Variants in SRBD1 observed in about 807,000 individuals in gnomAD.
The protein encoded by SRBD1 is S1 RNA-binding domain-containing protein 1.
In SRBD1, 88 loss-of-function variants were observed where a neutral mutation model predicts 115.3. The observed-to-expected ratio is 0.76, with a 90% CI of 0.64 to 0.91. The LOEUF (loss-of-function observed/expected upper bound fraction) is 0.91, where lower values mean the gene tolerates loss of function less well. Ranked by LOEUF, SRBD1 falls within the 40% of genes least tolerant of loss-of-function variation. The probability of loss-of-function intolerance (pLI) is 0.00; values close to 1 mark genes in which losing one functional copy is unlikely to be tolerated. For synonymous variants in SRBD1, 509 were observed against 407.7 expected, an observed-to-expected ratio of 1.25 and a Z score of -2.99; for missense variants, 1,385 against 1,177.4, an observed-to-expected ratio of 1.18 and a Z score of -2.58.
At chr2:45,390,443 T>C (rs114841957) in intron 20 of SRBD1, among the ~76,000 whole-genome samples, 215 of 152,356 alleles carry the variant, frequency 1.4e-3, no homozygotes, top group African/African-American at 5.2e-3. Flanking sequence ...ATTATGGTTC[T>C]AGTTAAAAAC....
chr2:45,426,737 C>T (rs1668166339), intron 16 of SRBD1, among the ~76,000 whole-genome samples: 1 of 152,140 alleles, frequency 6.6e-6, no homozygotes, highest in South Asian at 2.1e-4. Context: ...CCAGCAAACT[C>T]CAGAAGACCT....
chr2:45,581,082 G>T (rs915657583), intron 6 of SRBD1, among the ~76,000 whole-genome samples: 1 of 152,034 alleles, frequency 6.6e-6, no homozygotes, highest in Non-Finnish European at 1.5e-5. Flanking sequence ...AATCCATGAT[G>T]ATCTCCTAAT....
intron 14 of SRBD1, among the ~76,000 whole-genome samples, chr2:45,530,995 T>G (rs1488995793): frequency 6.7e-6 from 1 of 148,362 alleles, no homozygotes; most frequent in Non-Finnish European, 1.5e-5. Context: ...ACTTTCTTCA[T>G]CACAGAATCA....
chr2:45,453,812 C>T (rs1669069511), intron 16 of SRBD1, among the ~76,000 whole-genome samples: 1 of 151,840 alleles, frequency 6.6e-6, no homozygotes, highest in South Asian at 2.1e-4. Context: ...TCTGGGTTAA[C>T]ATACAAATAT....
intron 14 of SRBD1, among the ~76,000 whole-genome samples, chr2:45,543,987 T>C (rs967211808): frequency 3.9e-5 from 6 of 151,966 alleles, no homozygotes; most frequent in Non-Finnish European, 7.4e-5. Flanking sequence ...TGAAAGAAAA[T>C]GCCTAATAGA....
At chr2:45,604,406 G>A (rs1041390476) in intron 2 of SRBD1, among the ~76,000 whole-genome samples, 2 of 151,248 alleles carry the variant, frequency 1.3e-5, no homozygotes, top group Admixed American at 6.6e-5. Flanking sequence ...GAAGGGGAGG[G>A]CTTAGAATTA....
chr2:45,455,710 G>C (rs1406043807), intron 16 of SRBD1, among the ~76,000 whole-genome samples: 2 of 151,622 alleles, frequency 1.3e-5, no homozygotes, highest in Middle Eastern at 3.2e-3. Context: ...TAAATCCTGC[G>C]AGTACAGATT....
At chr2:45,421,543 A>AAAG (rs1668006900) in intron 16 of SRBD1, among the ~76,000 whole-genome samples, 2 of 146,492 alleles carry the variant, frequency 1.4e-5, no homozygotes, top group Non-Finnish European at 3.0e-5. Context: ...AAAAAAAAAA[A>AAAG]AAGTCAGAAA....
chr2:45,447,784 A>G (rs1297269958), intron 16 of SRBD1: 7 of 152,238 alleles, frequency 4.6e-5, no homozygotes, highest in Non-Finnish European at 8.8e-5. Context: ...TTACGTAACA[A>G]AAGCTGAGTA....
intron 16 of SRBD1, among the ~76,000 whole-genome samples, chr2:45,470,809 C>T (rs1029378784): frequency 6.6e-6 from 1 of 152,172 alleles, no homozygotes; most frequent in Non-Finnish European, 1.5e-5. Context: ...TTTGACCACA[C>T]TGGCTGCCTC....
intron 16 of SRBD1, among the ~76,000 whole-genome samples, chr2:45,434,366 C>T (rs540047087): frequency 6.6e-6 from 1 of 152,312 alleles, no homozygotes; most frequent in South Asian, 2.1e-4. Context: ...TCCCAAGACA[C>T]TGTGTAACCC....
intron 16 of SRBD1, among the ~76,000 whole-genome samples, chr2:45,424,886 G>C (rs1421636425): frequency 1.3e-5 from 2 of 152,156 alleles, no homozygotes; most frequent in Non-Finnish European, 2.9e-5. Context: ...TAGAGTGAGA[G>C]AGAACTAGCC....
intron 14 of SRBD1, among the ~76,000 whole-genome samples, chr2:45,522,063 C>T (rs1374014157): frequency 6.6e-6 from 1 of 151,894 alleles, no homozygotes; most frequent in East Asian, 1.9e-4. Flanking sequence ...CAGCACTATA[C>T]ACAATAGCCA....
At chr2:45,560,952 A>T (rs949322251) in intron 10 of SRBD1, among the ~76,000 whole-genome samples, 1 of 142,988 alleles carries the variant, frequency 7.0e-6, no homozygotes, top group Middle Eastern at 3.3e-3. Context: ...AAATAAAAAA[A>T]AAAAAAAAAG....
chr2:45,495,329 C>A (rs1670421845), intron 14 of SRBD1, among the ~76,000 whole-genome samples: 1 of 152,114 alleles, frequency 6.6e-6, no homozygotes, highest in African/African-American at 2.4e-5. Flanking sequence ...TGGGGAAAAG[C>A]AAATCAACAA....
chr2:45,461,703 A>G (rs1010788204), intron 16 of SRBD1, among the ~76,000 whole-genome samples: 1 of 152,020 alleles, frequency 6.6e-6, no homozygotes, highest in Non-Finnish European at 1.5e-5. Context: ...ACAAGATATT[A>G]ATTTTCTTTT....
chr2:45,447,575 G>A (rs1668864120), intron 16 of SRBD1: 2 of 152,098 alleles, frequency 1.3e-5, no homozygotes, highest in South Asian at 4.2e-4. Flanking sequence ...CATATAGAAG[G>A]CAATTTTCTG....
At chr2:45,547,715 T>A in intron 12 of SRBD1, 103 bp from the exon 13 acceptor site, 1 of 882,928 alleles carries the variant, frequency 1.1e-6, no homozygotes. Flanking sequence ...GACTGGCTTG[T>A]TTTTTATAAT....
At chr2:45,496,920 A>G (rs1670477116) in intron 14 of SRBD1, among the ~76,000 whole-genome samples, 1 of 152,208 alleles carries the variant, frequency 6.6e-6, no homozygotes, top group Non-Finnish European at 1.5e-5. Context: ...TGCTGAAAAA[A>G]AATCCTGAAA....
Sources: allele counts gnomAD v4.1 joint callset (sites outside exome capture counted in the v4.1 genomes callset), GRCh38; gene constraint gnomAD v4.1.1; transcripts MANE v1.5; gene names NCBI Gene and HGNC (gene_info 2026-07-23, HGNC 2026-07-21).